The following PPP1R9A variants were observed in gnomAD, a reference collection of about 807,000 sequenced individuals.
PPP1R9A encodes protein phosphatase 1 regulatory subunit 9A.
A neutral mutation model predicts 141.9 loss-of-function variants in PPP1R9A; 59 were observed. The observed-to-expected ratio is 0.42, with a 90% confidence interval of 0.34 to 0.52. PPP1R9A has a LOEUF of 0.52. Ranked by LOEUF, PPP1R9A falls within the 20% of genes least tolerant of loss-of-function variation. PPP1R9A has a pLI of 0.10. For synonymous variants in PPP1R9A, 500 were observed against 569.7 expected, an observed-to-expected ratio of 0.88 and a Z score of 1.74; for missense variants, 1,444 against 1,611.9, an observed-to-expected ratio of 0.90 and a Z score of 1.78.
intron 2 of PPP1R9A, among the ~76,000 whole-genome samples, chr7:94,968,274 G>A (rs1798450607): frequency 6.6e-6 from 1 of 151,432 alleles, no homozygotes; most frequent in Non-Finnish European, 1.5e-5. Flanking sequence ...CCGGGTTCAC[G>A]CCATTCTCCT....
chr7:95,151,547 C>A (rs1828673329), intron 4 of PPP1R9A, among the ~76,000 whole-genome samples: 1 of 151,990 alleles, frequency 6.6e-6, no homozygotes, highest in Admixed American at 6.6e-5. Flanking sequence ...ATGGTGGATA[C>A]ATGTCATCCA....
At chr7:95,092,848 C>G (rs958331258) in intron 2 of PPP1R9A, among the ~76,000 whole-genome samples, 8 of 152,102 alleles carry the variant, frequency 5.3e-5, no homozygotes, top group Non-Finnish European at 1.2e-4. Flanking sequence ...AAATTGAGAC[C>G]TATAATTTGG....
chr7:95,137,226 C>A, intron 4 of PPP1R9A, among the ~76,000 whole-genome samples: 2 of 119,690 alleles, frequency 1.7e-5, no homozygotes, highest in Admixed American at 9.0e-5. Flanking sequence ...TAATGCTATC[C>A]CTCCCCCCTC....
At chr7:95,180,321 C>T (rs1833550413) in intron 5 of PPP1R9A, among the ~76,000 whole-genome samples, 3 of 152,088 alleles carry the variant, frequency 2.0e-5, no homozygotes, top group African/African-American at 7.2e-5. Context: ...GATTGGCTAG[C>T]TACCTGTAGG....
intron 2 of PPP1R9A, among the ~76,000 whole-genome samples, chr7:95,100,844 A>ATTTTTT (rs34210406): frequency 1.4e-5 from 1 of 70,164 alleles, no homozygotes; most frequent in South Asian, 7.2e-4. Context: ...TCTTTGTCTG[A>ATTTTTT]TTTTTTTTTT....
chr7:95,015,223 T>TATATATAC (rs1233766925), intron 2 of PPP1R9A, among the ~76,000 whole-genome samples: 84 of 150,130 alleles, frequency 5.6e-4, no homozygotes, highest in African/African-American at 1.8e-3. Flanking sequence ...CACGAATATA[T>TATATATAC]ATATACACAC....
intron 2 of PPP1R9A, among the ~76,000 whole-genome samples, chr7:94,957,038 GA>G (rs1797146527): frequency 6.6e-6 from 1 of 152,114 alleles, no homozygotes; most frequent in Non-Finnish European, 1.5e-5. Context: ...GTATAAATGG[GA>G]CTTATGAAAT....
At chr7:95,193,856 T>A (rs1563392712) in intron 5 of PPP1R9A, among the ~76,000 whole-genome samples, 1 of 152,104 alleles carries the variant, frequency 6.6e-6, no homozygotes, top group Non-Finnish European at 1.5e-5. Flanking sequence ...AATTGTAGTT[T>A]GAGTAGCACT....
intron 2 of PPP1R9A, chr7:95,098,133 T>G (rs764503466): frequency 1.2e-4 from 19 of 152,240 alleles, no homozygotes; most frequent in Non-Finnish European, 1.9e-4. Flanking sequence ...TAATCGCATC[T>G]ACAGAATACC....
At chr7:94,981,690 A>G (rs893752637) in intron 2 of PPP1R9A, among the ~76,000 whole-genome samples, 1 of 152,100 alleles carries the variant, frequency 6.6e-6, no homozygotes, top group Admixed American at 6.5e-5. Context: ...ATATGTACAT[A>G]TATTCTAATA....
chr7:94,991,142 T>C (rs1801457359), intron 2 of PPP1R9A, among the ~76,000 whole-genome samples: 1 of 152,224 alleles, frequency 6.6e-6, no homozygotes, highest in East Asian at 1.9e-4. Flanking sequence ...CTAGTTTCCA[T>C]TCCCACCAAT....
chr7:95,097,012 A>G (rs1379877731), intron 2 of PPP1R9A, among the ~76,000 whole-genome samples: 1 of 151,982 alleles, frequency 6.6e-6, no homozygotes, highest in Non-Finnish European at 1.5e-5. Context: ...TGTTGGTTAC[A>G]ATGACAGGTC....
At chr7:95,052,740 G>A (rs955303574) in intron 2 of PPP1R9A, among the ~76,000 whole-genome samples, 2 of 152,118 alleles carry the variant, frequency 1.3e-5, no homozygotes, top group Non-Finnish European at 2.9e-5. Context: ...TTTTTCTTCT[G>A]TGTTCCCAGT....
chr7:95,200,808 A>T (rs968225913), intron 6 of PPP1R9A, among the ~76,000 whole-genome samples: 1 of 152,196 alleles, frequency 6.6e-6, no homozygotes, highest in African/African-American at 2.4e-5. Flanking sequence ...TCTTTCTTAC[A>T]TGATCTCATT....
At chr7:95,140,932 C>G (rs756531449) in intron 4 of PPP1R9A, among the ~76,000 whole-genome samples, 11 of 152,178 alleles carry the variant, frequency 7.2e-5, no homozygotes, top group Non-Finnish European at 1.6e-4. Flanking sequence ...GTTGCCCAGT[C>G]TGGTCTCGAA....
At chr7:95,038,816 A>G (rs974604121) in intron 2 of PPP1R9A, among the ~76,000 whole-genome samples, 9 of 152,192 alleles carry the variant, frequency 5.9e-5, no homozygotes, top group Non-Finnish European at 1.0e-4. Flanking sequence ...GCACGTCTCC[A>G]GTTTAATAAC....
At chr7:95,039,680 A>C (rs950392742) in intron 2 of PPP1R9A, among the ~76,000 whole-genome samples, 1 of 152,164 alleles carries the variant, frequency 6.6e-6, no homozygotes, top group African/African-American at 2.4e-5. Flanking sequence ...TAAGTTTGAA[A>C]ATAGGTCAAT....
chr7:95,108,769 C>A (rs1300378600), intron 2 of PPP1R9A: 5 of 151,188 alleles, frequency 3.3e-5, no homozygotes, highest in African/African-American at 9.7e-5. Context: ...TGTTTGGGAT[C>A]CTGAAAAAAA....
chr7:95,151,084 C>G (rs1280699264), intron 4 of PPP1R9A, among the ~76,000 whole-genome samples: 2 of 152,212 alleles, frequency 1.3e-5, no homozygotes, highest in African/African-American at 2.4e-5. Flanking sequence ...TACAGCCACT[C>G]TGGGGGACAG....
Sources: allele counts gnomAD v4.1 joint callset (sites outside exome capture counted in the v4.1 genomes callset), GRCh38; gene constraint gnomAD v4.1.1; transcripts MANE v1.5; gene names NCBI Gene and HGNC (gene_info 2026-07-23, HGNC 2026-07-21).